UNC13C: variants seen among roughly 807,000 people sequenced by gnomAD.
UNC13C encodes the protein unc-13 homolog C.
In UNC13C, 174 loss-of-function variants were observed where a neutral mutation model predicts 245.4. The observed-to-expected ratio is 0.71, with a 90% confidence interval of 0.63 to 0.80. UNC13C has a LOEUF of 0.80. Ranked by LOEUF, UNC13C falls within the 30% of genes least tolerant of loss-of-function variation. UNC13C has a pLI of 0.00. For missense variants in UNC13C, 2,829 were observed against 2,602.9 expected (o/e 1.09, Z -1.89); for synonymous variants, 992 against 895.1 (o/e 1.11, Z -1.93).
At chr15:54,575,757 GA>G (rs1897934378) in intron 30 of UNC13C, among the ~76,000 whole-genome samples, 2 of 152,168 alleles carry the variant, frequency 1.3e-5, no homozygotes, top group Admixed American at 6.5e-5. Flanking sequence ...CAGAGATCTG[GA>G]ATCCTATCCA....
intron 2 of UNC13C, among the ~76,000 whole-genome samples, chr15:54,051,192 A>G (rs1381525964): frequency 1.3e-5 from 2 of 152,194 alleles, no homozygotes; most frequent in East Asian, 3.9e-4. Context: ...CCCCACACTC[A>G]GGTTATAAAG....
chr15:54,240,901 G>A (rs1176747480), intron 7 of UNC13C, among the ~76,000 whole-genome samples: 3 of 152,132 alleles, frequency 2.0e-5, no homozygotes, highest in East Asian at 1.9e-4. Flanking sequence ...ATATCCATTC[G>A]GTAATTCAAT....
At chr15:54,345,790 C>G (rs2038846576) in intron 17 of UNC13C, among the ~76,000 whole-genome samples, 1 of 152,156 alleles carries the variant, frequency 6.6e-6, no homozygotes, top group African/African-American at 2.4e-5. Flanking sequence ...GAAGTCCAGA[C>G]TCTCCCATTA....
intron 2 of UNC13C, among the ~76,000 whole-genome samples, chr15:54,110,069 G>GTT (rs1900688494): frequency 6.6e-6 from 1 of 152,082 alleles, no homozygotes; most frequent in African/African-American, 2.4e-5. Flanking sequence ...CTTGAGGCCA[G>GTT]GAGTTTAAGA....
rs144601350 is a variant in UNC13C, at chr15:54,498,701, G to C, written c.5061-1378G>C. ...ACCACAAATAAATGTGATGAACGGCGTACAAGCCATGTTTTCAAGCAACTA... is the reference window on the plus strand; with the variant it reads ...ACCACAAATAAATGTGATGAACGGCCTACAAGCCATGTTTTCAAGCAACTA... On this transcript the variant is annotated intron_variant, in intron 20 of 32. Coordinates refer to ENST00000260323, the MANE Select transcript of UNC13C (RefSeq NM_001080534.3). Among the ~76,000 whole-genome samples, 537 of 152,056 alleles carry C rather than the reference G, an allele frequency of 3.5e-3. 3 individuals are homozygous for C. The highest frequency in any genetic ancestry group is 0.013 in the African/African-American group (520 of 41,494).
chr15:54,212,925 C>G (rs1303120910), intron 4 of UNC13C, among the ~76,000 whole-genome samples: 1 of 152,018 alleles, frequency 6.6e-6, no homozygotes, highest in East Asian at 1.9e-4. Context: ...ACCCTGATGG[C>G]CTTGAGGAGG....
chr15:54,138,901 C>T (rs2031866537), intron 2 of UNC13C, among the ~76,000 whole-genome samples: 1 of 138,728 alleles, frequency 7.2e-6, no homozygotes, highest in Admixed American at 7.6e-5. Context: ...GGAAGCATCA[C>T]TAATCTTTAC....
At chr15:54,246,225 G>T (rs1010243352) in intron 7 of UNC13C, among the ~76,000 whole-genome samples, 1 of 152,100 alleles carries the variant, frequency 6.6e-6, no homozygotes, top group Non-Finnish European at 1.5e-5. Flanking sequence ...GGAGAAGAAA[G>T]TTCTAACAAA....
At chr15:53,874,602 A>G in the UNC13C span, among the ~76,000 whole-genome samples, 2 of 152,308 alleles carry the variant, frequency 1.3e-5, no homozygotes, top group East Asian at 3.9e-4. Context: ...GTCACACATT[A>G]GAACTTTCTT....
intron 16 of UNC13C, among the ~76,000 whole-genome samples, chr15:54,337,534 C>T (rs966448413): frequency 3.9e-5 from 6 of 152,152 alleles, no homozygotes; most frequent in Admixed American, 2.6e-4. Flanking sequence ...TCAGCTCTCA[C>T]ACCAGTCATC....
intron 4 of UNC13C, among the ~76,000 whole-genome samples, chr15:54,209,268 A>G (rs532581423): frequency 2.6e-5 from 4 of 152,268 alleles, no homozygotes; most frequent in South Asian, 4.1e-4. Context: ...TATTAACTTT[A>G]TTTGATATTT....
the UNC13C span, among the ~76,000 whole-genome samples, chr15:53,946,464 T>TTTTTTTTTTTTTTG: frequency 6.7e-6 from 1 of 149,204 alleles, no homozygotes; most frequent in Non-Finnish European, 1.5e-5. Context: ...TTTTTTTTTT[T>TTTTTTTTTTTTTTG]TTAAACGGAG....
chr15:53,886,500 A>T, the UNC13C span, among the ~76,000 whole-genome samples: 6 of 152,328 alleles, frequency 3.9e-5, no homozygotes, highest in African/African-American at 1.4e-4. Context: ...ATGAGACCAT[A>T]CTTCTATAAG....
chr15:54,293,831 C>T, intron 10 of UNC13C, 64 bp from the exon 11 acceptor site: 1 of 1,326,172 alleles, frequency 7.5e-7, no homozygotes, highest in African/African-American at 1.5e-5. Flanking sequence ...AAATAAAGTA[C>T]TAACATCAAA....
intron 12 of UNC13C, among the ~76,000 whole-genome samples, chr15:54,299,465 G>A (rs980337647): frequency 1.3e-5 from 2 of 151,972 alleles, no homozygotes; most frequent in African/African-American, 4.8e-5. Flanking sequence ...TATTCATCCA[G>A]GGCACTATAA....
intron 19 of UNC13C, among the ~76,000 whole-genome samples, chr15:54,415,441 G>A (rs911720980): frequency 1.5e-4 from 23 of 152,132 alleles, no homozygotes; most frequent in Admixed American, 6.5e-5. Flanking sequence ...TCCACCAGGA[G>A]GCGGGTCAAA....
intron 2 of UNC13C, among the ~76,000 whole-genome samples, chr15:54,079,484 T>C (rs1222825043): frequency 6.6e-6 from 1 of 152,106 alleles, no homozygotes; most frequent in East Asian, 1.9e-4. Flanking sequence ...ACTTATGATT[T>C]CTTTCATCAT....
At position 54,238,076 on chromosome 15, in the gene UNC13C, G is replaced by GTTTTTTT. The variant is rs10645906; in HGVS notation, c.3228+398_3228+404dup. Among the ~76,000 whole-genome samples, 428 of 115,820 alleles carry GTTTTTTT rather than the reference G, an allele frequency of 3.7e-3. 17 individuals are homozygous for GTTTTTTT. Among genetic ancestry groups the GTTTTTTT allele is most frequent in the African/African-American group, 0.013 (369 of 28,190 alleles). 76.0% of individuals were successfully genotyped at this position (115,820 alleles called of 152,430 possible). A position where few individuals can be genotyped will look rare whatever the true frequency, so the allele number is the denominator to read the frequency against. On this transcript the variant is annotated intron_variant, in intron 7 of 32. Coordinates refer to ENST00000260323, the MANE Select transcript of UNC13C (RefSeq NM_001080534.3). ...AATTTCCTCCTCAGGACTTTTATAG[G>GTTTTTTT]TTTTTTTTTTTTTTTTTTGAGACAG...
chr15:54,591,748 C>A (rs562116941), intron 30 of UNC13C, among the ~76,000 whole-genome samples: 1 of 151,622 alleles, frequency 6.6e-6, no homozygotes, highest in African/African-American at 2.4e-5. Context: ...CTTTTTTTTT[C>A]ATTTATCTTT....
Sources: allele counts gnomAD v4.1 joint callset (sites outside exome capture counted in the v4.1 genomes callset), GRCh38; gene constraint gnomAD v4.1.1; transcripts MANE v1.5; gene names NCBI Gene and HGNC (gene_info 2026-07-23, HGNC 2026-07-21).